Variants in ADGRL3 observed in about 807,000 individuals in gnomAD.
ADGRL3 encodes calcium-independent alpha-latrotoxin receptor 3.
In ADGRL3, 62 loss-of-function variants were observed where a neutral mutation model predicts 153.5. The ratio of observed to expected loss-of-function variants is 0.40; its 90% confidence interval spans 0.33 to 0.50. The LOEUF (loss-of-function observed/expected upper bound fraction) is 0.50. ADGRL3 is among the 20% of genes least tolerant of loss of function. The pLI is 0.47. For synonymous variants in ADGRL3, 710 were observed against 672.5 expected (o/e 1.06, Z -0.86); for missense variants, 1,641 against 1,859.4 (o/e 0.88, Z 2.16).
At chr4:61,939,494 G>C (rs919058763) in intron 15 of ADGRL3, among the ~76,000 whole-genome samples, 1 of 148,160 alleles carries the variant, frequency 6.7e-6, no homozygotes, top group African/African-American at 2.5e-5. Flanking sequence ...TTTTGAGACG[G>C]AGTCTCACTC....
intron 15 of ADGRL3, among the ~76,000 whole-genome samples, chr4:61,936,781 TAC>T (rs71666904): frequency 0.049 from 6,817 of 138,766 alleles, 216 homozygotes; most frequent in Non-Finnish European, 0.067. Flanking sequence ...TACATATGCA[TAC>T]ACACACACAC....
intron 8 of ADGRL3, among the ~76,000 whole-genome samples, chr4:61,742,239 T>C (rs1387987700): frequency 1.3e-5 from 2 of 152,204 alleles, no homozygotes; most frequent in Non-Finnish European, 2.9e-5. Flanking sequence ...ACTTCTCTGT[T>C]TTTAACCTTT....
At chr4:61,267,711 C>T (rs908054153) in intron 1 of ADGRL3, among the ~76,000 whole-genome samples, 3 of 151,626 alleles carry the variant, frequency 2.0e-5, no homozygotes, top group Non-Finnish European at 3.0e-5. Context: ...TACTGGCATA[C>T]AAAAACTGTG....
intron 13 of ADGRL3, among the ~76,000 whole-genome samples, chr4:61,916,002 T>G (rs965047635): frequency 1.3e-5 from 2 of 152,190 alleles, no homozygotes; most frequent in African/African-American, 4.8e-5. Context: ...TGTCAATTAC[T>G]TAGAAGTTCA....
At chr4:61,945,707 GT>G (rs1406724766) in intron 15 of ADGRL3, among the ~76,000 whole-genome samples, 1 of 150,298 alleles carries the variant, frequency 6.7e-6, no homozygotes, top group Non-Finnish European at 1.5e-5. Context: ...TTCCAGGTGC[GT>G]CCGTCACCCC....
chr4:61,332,647 AAGTT>A (rs751918523), intron 1 of ADGRL3, among the ~76,000 whole-genome samples: 17 of 152,130 alleles, frequency 1.1e-4, no homozygotes, highest in African/African-American at 4.1e-4. Context: ...GCAATAAAGA[AAGTT>A]AGTTGATGTT....
At chr4:61,920,618 C>T (rs1052537646) in intron 13 of ADGRL3, among the ~76,000 whole-genome samples, 1 of 152,152 alleles carries the variant, frequency 6.6e-6, no homozygotes, top group African/African-American at 2.4e-5. Context: ...TTGGAAACTG[C>T]ATGAAATCAT....
chr4:61,644,361 A>T (rs2093851194), intron 5 of ADGRL3, among the ~76,000 whole-genome samples: 1 of 150,394 alleles, frequency 6.6e-6, no homozygotes, highest in East Asian at 2.0e-4. Flanking sequence ...TTGCTTTTCT[A>T]GTTCTTTTAA....
intron 1 of ADGRL3, among the ~76,000 whole-genome samples, chr4:61,368,510 C>G (rs1340566485): frequency 6.6e-6 from 1 of 151,646 alleles, no homozygotes; most frequent in Non-Finnish European, 1.5e-5. Flanking sequence ...GCTTGTTTTT[C>G]TCAGGTTTGT....
chr4:61,477,010 T>A (rs2152714275), intron 2 of ADGRL3, among the ~76,000 whole-genome samples: 1 of 152,110 alleles, frequency 6.6e-6, no homozygotes, highest in African/African-American at 2.4e-5. Flanking sequence ...TGAATAAATA[T>A]ACAGAAATAA....
At chr4:61,824,741 GCA>G (rs1396429759) in intron 9 of ADGRL3, among the ~76,000 whole-genome samples, 1 of 152,002 alleles carries the variant, frequency 6.6e-6, no homozygotes, top group Non-Finnish European at 1.5e-5. Flanking sequence ...ATGCATATAT[GCA>G]CACACACACA....
At chr4:61,703,883 G>C (rs957675029) in intron 6 of ADGRL3, among the ~76,000 whole-genome samples, 2 of 151,482 alleles carry the variant, frequency 1.3e-5, no homozygotes, top group Non-Finnish European at 2.9e-5. Flanking sequence ...GGGTTTGTTT[G>C]GAAGTTAGAG....
At chr4:62,018,860 G>A (rs2099225189) in intron 21 of ADGRL3, among the ~76,000 whole-genome samples, 1 of 152,138 alleles carries the variant, frequency 6.6e-6, no homozygotes. Flanking sequence ...AAGCCAAAAG[G>A]AGATACCATC....
At chr4:61,793,401 C>T (rs923408956) in intron 8 of ADGRL3, among the ~76,000 whole-genome samples, 41 of 152,126 alleles carry the variant, frequency 2.7e-4, no homozygotes, top group African/African-American at 8.9e-4. Flanking sequence ...CCAGCCTGGG[C>T]GACAGAGCGA....
At chr4:61,928,726 T>A (rs2098805116) in intron 13 of ADGRL3, among the ~76,000 whole-genome samples, 1 of 152,162 alleles carries the variant, frequency 6.6e-6, no homozygotes, top group Admixed American at 6.6e-5. Flanking sequence ...TAACTTCGTC[T>A]CATTCACCCT....
intron 1 of ADGRL3, among the ~76,000 whole-genome samples, chr4:61,287,001 C>T (rs984531461): frequency 6.6e-6 from 1 of 151,588 alleles, no homozygotes; most frequent in Admixed American, 6.6e-5. Context: ...ATAAGAAAAA[C>T]AAAACAGTAT....
intron 2 of ADGRL3, among the ~76,000 whole-genome samples, chr4:61,410,383 G>T (rs916615681): frequency 6.6e-6 from 1 of 151,094 alleles, no homozygotes; most frequent in African/African-American, 2.4e-5. Context: ...CTTTACTTCA[G>T]TATGTATTGT....
At chr4:61,442,778 A>G (rs1195349710) in intron 2 of ADGRL3, among the ~76,000 whole-genome samples, 3 of 152,102 alleles carry the variant, frequency 2.0e-5, no homozygotes, top group Non-Finnish European at 2.9e-5. Context: ...TGGGTTATTC[A>G]AAGTTAAGAT....
intron 2 of ADGRL3, among the ~76,000 whole-genome samples, chr4:61,434,417 A>G (rs762910859): frequency 6.6e-6 from 1 of 152,108 alleles, no homozygotes; most frequent in Non-Finnish European, 1.5e-5. Context: ...ATATGCATGT[A>G]TACATATGTT....
Sources: gnomAD v4.1 joint callset for allele counts (sites outside exome capture counted in the v4.1 genomes callset) on GRCh38, gnomAD v4.1.1 for gene constraint, MANE v1.5 for transcripts, NCBI Gene and HGNC (gene_info 2026-07-23, HGNC 2026-07-21) for gene names.